Variants in CCDC148 observed in about 807,000 individuals in gnomAD.
The protein encoded by CCDC148 is coiled-coil domain-containing protein 148.
CCDC148 carries 89 observed loss-of-function variants against 85.7 expected under a neutral mutation model. The ratio of observed to expected loss-of-function variants is 1.04; its 90% CI spans 0.87 to 1.24. CCDC148 has a LOEUF of 1.24. CCDC148 is among the 50% of genes most tolerant of loss of function. CCDC148 has a pLI of 0.00. For synonymous variants in CCDC148, 230 were observed against 213.9 expected, an observed-to-expected ratio of 1.08 and a Z score of -0.66; for missense variants, 692 against 671.7, an observed-to-expected ratio of 1.03 and a Z score of -0.33.
chr2:158,297,211 T>C (rs80031890), intron 9 of CCDC148, among the ~76,000 whole-genome samples: 1 of 152,222 alleles, frequency 6.6e-6, no homozygotes, highest in Non-Finnish European at 1.5e-5. Flanking sequence ...TGTTGTTTTT[T>C]CTTGTCTAAT....
chr2:158,254,643 T>C (rs932427472), intron 9 of CCDC148, among the ~76,000 whole-genome samples: 4 of 151,606 alleles, frequency 2.6e-5, no homozygotes, highest in Non-Finnish European at 4.4e-5. Flanking sequence ...CTGTAATACA[T>C]TGAAACAGTG....
Position 158,339,077 on chromosome 2 carries a change from A to T in CCDC148, c.495T>A (p.Phe165Leu), listed in dbSNP as rs894750211. ...NSMKVLEEVD[F>L]VKKQLKTVFE... Reference sequence around the variant, plus strand: ...AGACAGTTTTCAATTGTTTCTTCACAAAGTCAACCTATAGGACATTTGGAA... The same window carrying T: ...AGACAGTTTTCAATTGTTTCTTCACTAAGTCAACCTATAGGACATTTGGAA... Residue 165 changes from phenylalanine to leucine, a missense_variant, in exon 6 of 14, where the codon TTT (phenylalanine) becomes TTA (leucine). Phe to Leu is a conservative substitution (Grantham distance 22). Coordinates refer to ENST00000283233, the MANE Select transcript of CCDC148 (RefSeq NM_138803.4). The T allele has an allele frequency of 6.2e-7, 1 of 1,612,592 alleles. No homozygotes were observed. Among genetic ancestry groups the T allele is most frequent in the African/African-American group, 1.3e-5 (1 of 74,880 alleles).
intron 7 of CCDC148, among the ~76,000 whole-genome samples, chr2:158,334,995 G>A (rs941537906): frequency 1.2e-4 from 18 of 151,898 alleles, no homozygotes; most frequent in South Asian, 4.2e-4. Flanking sequence ...ATTGAATTAC[G>A]GATGTTTTTA....
chr2:158,437,955 C>T (rs529554332), intron 1 of CCDC148, among the ~76,000 whole-genome samples: 5 of 152,250 alleles, frequency 3.3e-5, no homozygotes, highest in African/African-American at 1.2e-4. Context: ...CTACAAACCA[C>T]TGCTCAATGA....
At position 158,281,301 on chromosome 2, in the gene CCDC148, GA is replaced by G. The variant is rs1231278813; in HGVS notation, c.1110+28131del. ...TCAGAGCAGAACTGAAGGAAATAGAGACACAAAAAACCCTTCAAAAAATTAA... is the reference window on the plus strand; with the variant it reads ...TCAGAGCAGAACTGAAGGAAATAGAGCACAAAAAACCCTTCAAAAAATTAA... On this transcript the variant is annotated intron_variant, in intron 9 of 13. Transcript: ENST00000283233. Among the ~76,000 whole-genome samples the G allele has an allele frequency of 3.9e-5, 6 of 152,168 alleles. No homozygotes were observed. The East Asian group carries it at 1.2e-3, about 29-fold the overall frequency.
At position 158,294,030 on chromosome 2, in the gene CCDC148, T is replaced by C. The variant is rs186940522; in HGVS notation, c.1110+15403A>G. Among the ~76,000 whole-genome samples the C allele has an allele frequency of 2.5e-3, 186 of 73,848 alleles. 2 individuals carry two copies. The highest frequency in any genetic ancestry group is 3.9e-3 in the African/African-American group (41 of 10,578). 48.4% of individuals were successfully genotyped at this position (73,848 alleles called of 152,430 possible). Reference sequence around the variant, plus strand: ...CTTCCTTCCTTCCTTCCTTCCTTCCTTCCTTCCTTCCTTCCTTCCTTCCTT... The same window carrying C: ...CTTCCTTCCTTCCTTCCTTCCTTCCCTCCTTCCTTCCTTCCTTCCTTCCTT... On this transcript the variant is annotated intron_variant, in intron 9 of 13. Transcript: ENST00000283233.
intron 11 of CCDC148, among the ~76,000 whole-genome samples, chr2:158,202,658 A>G (rs1361008764): frequency 6.6e-6 from 1 of 152,220 alleles, no homozygotes; most frequent in Admixed American, 6.5e-5. Context: ...GCCAGAGACA[A>G]ACAAAGAAGC....
intron 2 of CCDC148, among the ~76,000 whole-genome samples, chr2:158,348,445 A>T (rs1028247737): frequency 9.5e-4 from 144 of 152,156 alleles, no homozygotes; most frequent in African/African-American, 3.3e-3. Flanking sequence ...TACAAAAAAA[A>T]AAAGTATAAT....
intron 9 of CCDC148, among the ~76,000 whole-genome samples, chr2:158,286,128 CAATATA>C (rs1368937784): frequency 1.3e-5 from 2 of 151,734 alleles, no homozygotes; most frequent in Non-Finnish European, 2.9e-5. Context: ...CTTATAAAAT[CAATATA>C]AATTATATTT....
intron 1 of CCDC148, among the ~76,000 whole-genome samples, chr2:158,438,403 G>A (rs917897869): frequency 1.3e-5 from 2 of 152,168 alleles, no homozygotes; most frequent in African/African-American, 4.8e-5. Context: ...AAATGGTGCT[G>A]CAAAAACTGG....
intron 1 of CCDC148, among the ~76,000 whole-genome samples, chr2:158,365,805 T>C (rs983724123): frequency 2.6e-5 from 4 of 151,370 alleles, no homozygotes; most frequent in African/African-American, 9.7e-5. Context: ...TAAAGTATAA[T>C]AAAAAAAAGG....
chr2:158,295,422 A>G (rs540223923), intron 9 of CCDC148, among the ~76,000 whole-genome samples: 1 of 152,268 alleles, frequency 6.6e-6, no homozygotes. Flanking sequence ...ACACAACAAA[A>G]AAAGAGAATT....
intron 1 of CCDC148, among the ~76,000 whole-genome samples, chr2:158,401,933 AGGAT>A (rs1185593676): frequency 6.6e-6 from 1 of 152,028 alleles, no homozygotes; most frequent in Non-Finnish European, 1.5e-5. Flanking sequence ...CCAGAAGAGA[AGGAT>A]GGCCATGTAG....
intron 7 of CCDC148, among the ~76,000 whole-genome samples, chr2:158,319,983 C>G (rs1692450808): frequency 6.6e-6 from 1 of 152,112 alleles, no homozygotes; most frequent in Non-Finnish European, 1.5e-5. Flanking sequence ...TTATATTGAG[C>G]CAAAATCTGT....
chr2:158,372,366 T>C (rs1403884706), intron 1 of CCDC148, among the ~76,000 whole-genome samples: 1 of 151,972 alleles, frequency 6.6e-6, no homozygotes, highest in African/African-American at 2.4e-5. Flanking sequence ...AAGTACTTAG[T>C]TATGAAGAAA....
intron 11 of CCDC148, among the ~76,000 whole-genome samples, chr2:158,198,106 G>T (rs1281838542): frequency 5.3e-5 from 8 of 152,046 alleles, no homozygotes; most frequent in Non-Finnish European, 1.0e-4. Flanking sequence ...ATTACTTTCA[G>T]TTCCTCATGG....
rs1044425779 is a variant in CCDC148, at chr2:158,279,783, A to G, written c.1111-28871T>C. On this transcript the variant is annotated intron_variant, in intron 9 of 13. Coordinates refer to ENST00000283233, the MANE Select transcript of CCDC148 (RefSeq NM_138803.4). Reference sequence around the variant, plus strand: ...TTCAGGAAATACAGAGAACGCCACAAAGATACTCCTCGAGAAGACCAACTC... The same window carrying G: ...TTCAGGAAATACAGAGAACGCCACAGAGATACTCCTCGAGAAGACCAACTC... Among the ~76,000 whole-genome samples, 9 of 152,062 alleles carry G rather than the reference A, an allele frequency of 5.9e-5. No individual in the cohort carries two copies. In the South Asian group the frequency reaches 1.7e-3, roughly 28 times the overall value.
At chr2:158,257,945 A>G (rs1176164583) in intron 9 of CCDC148, among the ~76,000 whole-genome samples, 2 of 151,922 alleles carry the variant, frequency 1.3e-5, no homozygotes. Context: ...TGAAAGTAAC[A>G]AAGAAACTGG....
chr2:158,415,424 T>A (rs1319035818), intron 1 of CCDC148, among the ~76,000 whole-genome samples: 1 of 152,160 alleles, frequency 6.6e-6, no homozygotes, highest in African/African-American at 2.4e-5. Context: ...CAATTCAACA[T>A]GAGATTTGGG....
Sources: allele counts gnomAD v4.1 joint callset (sites outside exome capture counted in the v4.1 genomes callset), GRCh38; gene constraint gnomAD v4.1.1; transcripts MANE v1.5; gene names NCBI Gene and HGNC (gene_info 2026-07-23, HGNC 2026-07-21).